The following GULP1 variants were observed in gnomAD, a reference collection of about 807,000 sequenced individuals.
GULP1 encodes GULP PTB domain containing engulfment adaptor 1.
GULP1 carries 19 observed loss-of-function variants against 40.9 expected under a neutral mutation model. The observed-to-expected ratio is 0.46, with a 90% CI of 0.32 to 0.68. The LOEUF is 0.68. Ranked by LOEUF, GULP1 falls within the 30% of genes least tolerant of loss-of-function variation. GULP1 has a pLI of 0.03. For missense variants in GULP1, 312 were observed against 362.2 expected (o/e 0.86, Z 1.12); for synonymous variants, 119 against 117.6 (o/e 1.01, Z -0.08).
At chr2:188,430,014 T>C (rs1424398422) in intron 2 of GULP1, among the ~76,000 whole-genome samples, 1 of 152,152 alleles carries the variant, frequency 6.6e-6, no homozygotes, top group Non-Finnish European at 1.5e-5. Context: ...GTGGAAGCTG[T>C]AAAAAAATTT....
chr2:188,578,945 A>G (rs981297782), intron 9 of GULP1, among the ~76,000 whole-genome samples: 4 of 152,186 alleles, frequency 2.6e-5, no homozygotes, highest in African/African-American at 9.6e-5. Flanking sequence ...TGGTTCCAGA[A>G]CCTTGAAACC....
chr2:188,378,355 C>T (rs553403499), intron 1 of GULP1, among the ~76,000 whole-genome samples: 7 of 151,014 alleles, frequency 4.6e-5, no homozygotes, highest in African/African-American at 7.3e-5. Context: ...TGGCATGTTA[C>T]GCCAATAGTA....
chr2:188,471,501 T>A (rs1393701541), intron 2 of GULP1, among the ~76,000 whole-genome samples: 1 of 152,140 alleles, frequency 6.6e-6, no homozygotes, highest in Non-Finnish European at 1.5e-5. Flanking sequence ...GTGATATGAT[T>A]TAGTTTTTTG....
chr2:188,542,502 A>C (rs1239593602), intron 7 of GULP1, among the ~76,000 whole-genome samples: 1 of 152,174 alleles, frequency 6.6e-6, no homozygotes, highest in Non-Finnish European at 1.5e-5. Context: ...AGTTACAAAA[A>C]ATAGAGCAAG....
chr2:188,496,675 A>C (rs7587596), intron 4 of GULP1, among the ~76,000 whole-genome samples: 135,845 of 151,906 alleles, frequency 0.89, 61,834 homozygotes, highest in South Asian at 0.99. Context: ...AAGTTAAAGG[A>C]GTAAAACAGA....
chr2:188,570,289 G>C (rs576073671), intron 9 of GULP1, among the ~76,000 whole-genome samples, 169 bp downstream of exon 9: 1 of 152,156 alleles, frequency 6.6e-6, no homozygotes, highest in Non-Finnish European at 1.5e-5. Context: ...AAATTACCTA[G>C]TCAGTTCAAA....
intron 7 of GULP1, among the ~76,000 whole-genome samples, chr2:188,558,788 T>A (rs1352264572): frequency 6.6e-6 from 1 of 152,222 alleles, no homozygotes; most frequent in African/African-American, 2.4e-5. Flanking sequence ...ACTCTTGTTA[T>A]GTTTTAACAA....
chr2:188,499,324 G>A (rs2063212414), intron 4 of GULP1, among the ~76,000 whole-genome samples: 1 of 150,536 alleles, frequency 6.6e-6, no homozygotes, highest in African/African-American at 2.4e-5. Flanking sequence ...TGAATACTAA[G>A]CAAATTCCTT....
intron 2 of GULP1, among the ~76,000 whole-genome samples, chr2:188,470,257 T>A (rs1005187110): frequency 6.6e-6 from 1 of 152,162 alleles, no homozygotes; most frequent in South Asian, 2.1e-4. Context: ...GTTCATGTTT[T>A]GAATATCTTC....
chr2:188,340,700 C>T (rs1167907775), intron 1 of GULP1, among the ~76,000 whole-genome samples: 1 of 152,088 alleles, frequency 6.6e-6, no homozygotes, highest in African/African-American at 2.4e-5. Context: ...GCATCAGCAC[C>T]CGTCACACCC....
chr2:188,541,403 A>C (rs1372713491), intron 7 of GULP1, 85 bp downstream of exon 7: 1 of 1,074,840 alleles, frequency 9.3e-7, no homozygotes, highest in South Asian at 1.2e-5. Flanking sequence ...AAAGTATTTG[A>C]AAATGAATAA....
intron 1 of GULP1, among the ~76,000 whole-genome samples, chr2:188,358,800 A>G (rs2045705403): frequency 6.6e-6 from 1 of 152,148 alleles, no homozygotes; most frequent in Non-Finnish European, 1.5e-5. Context: ...CATACAATTC[A>G]GTTTGAAAAC....
chr2:188,491,432 A>G (rs1451065699), intron 4 of GULP1: 1 of 152,102 alleles, frequency 6.6e-6, no homozygotes, highest in African/African-American at 2.4e-5. Context: ...TGTTTTCTTA[A>G]CAGAGAACGT....
intron 2 of GULP1, among the ~76,000 whole-genome samples, chr2:188,441,264 A>G (rs181777817): frequency 1.2e-4 from 19 of 152,332 alleles, no homozygotes; most frequent in Non-Finnish European, 2.1e-4. Context: ...CCCAGCACAT[A>G]TAAGTGGAAA....
At chr2:188,483,341 C>G (rs1165198315) in intron 3 of GULP1, 90 bp from the exon 4 acceptor site, 1 of 582,784 alleles carries the variant, frequency 1.7e-6, no homozygotes, top group East Asian at 2.9e-5. Context: ...ATTAGAAATA[C>G]TCTGTGTCCT....
chr2:188,294,954 C>T (rs1452058099), intron 1 of GULP1, among the ~76,000 whole-genome samples: 1 of 152,130 alleles, frequency 6.6e-6, no homozygotes, highest in Non-Finnish European at 1.5e-5. Context: ...AAAATTACCA[C>T]TTTTACATTT....
At chr2:188,481,564 G>A (rs1192829030) in intron 3 of GULP1, among the ~76,000 whole-genome samples, 3 of 151,868 alleles carry the variant, frequency 2.0e-5, no homozygotes, top group Non-Finnish European at 4.4e-5. Context: ...GAAGCAGCTT[G>A]GTATACTCTT....
At chr2:188,306,690 A>C (rs2037154780) in intron 1 of GULP1, among the ~76,000 whole-genome samples, 1 of 152,224 alleles carries the variant, frequency 6.6e-6, no homozygotes, top group Non-Finnish European at 1.5e-5. Flanking sequence ...GCAGGGAGTC[A>C]TCTGGTCAGA....
intron 2 of GULP1, among the ~76,000 whole-genome samples, chr2:188,394,802 A>C (rs1457986209): frequency 6.6e-6 from 1 of 152,082 alleles, no homozygotes; most frequent in African/African-American, 2.4e-5. Context: ...AAGTCTCTGT[A>C]TGAGTTCCTT....
Sources: allele counts gnomAD v4.1 joint callset (sites outside exome capture counted in the v4.1 genomes callset), GRCh38; gene constraint gnomAD v4.1.1; transcripts MANE v1.5; gene names NCBI Gene and HGNC (gene_info 2026-07-23, HGNC 2026-07-21).